CMIP: variants seen among roughly 807,000 people sequenced by gnomAD.
CMIP encodes c-Maf inducing protein.
Under a neutral mutation model 97.3 loss-of-function variants are expected in CMIP, and 13 were observed. That is an observed-to-expected ratio of 0.13 (90% CI 0.09 to 0.21). The LOEUF (loss-of-function observed/expected upper bound fraction) is 0.21. CMIP is among the 10% of genes least tolerant of loss of function. The pLI is 1.00. For synonymous variants in CMIP, 538 were observed against 436.3 expected (o/e 1.23, Z -2.91); for missense variants, 847 against 1,024.9 (o/e 0.83, Z 2.37).
chr16:81,656,825 T>C (rs1317857863), intron 4 of CMIP, among the ~76,000 whole-genome samples: 1 of 152,090 alleles, frequency 6.6e-6, no homozygotes, highest in East Asian at 1.9e-4. Context: ...TTTCACCATG[T>C]TGGCCAGGCT....
intron 14 of CMIP, chr16:81,697,702 C>T (rs1257769007): frequency 6.6e-6 from 1 of 152,282 alleles, no homozygotes; most frequent in Non-Finnish European, 1.5e-5. Context: ...ATTCTCCTCT[C>T]TGCTGGGTGG....
At chr16:81,633,336 T>G (rs1053542671) in intron 3 of CMIP, among the ~76,000 whole-genome samples, 3 of 152,016 alleles carry the variant, frequency 2.0e-5, no homozygotes, top group Non-Finnish European at 2.9e-5. Flanking sequence ...AAGAGGGAGG[T>G]GGCCTGCCAT....
intron 1 of CMIP, among the ~76,000 whole-genome samples, chr16:81,466,374 A>T (rs894064262): frequency 2.0e-5 from 3 of 152,160 alleles, no homozygotes; most frequent in Non-Finnish European, 4.4e-5. Context: ...TTCCCTTTTT[A>T]AAAAAATTAC....
intron 10 of CMIP, 51 bp from the exon 11 acceptor site, chr16:81,691,724 T>G: frequency 1.3e-6 from 2 of 1,544,864 alleles, no homozygotes; most frequent in Admixed American, 1.7e-5. Context: ...AACAGTGCCA[T>G]AAACCTTCCT....
intron 1 of CMIP, among the ~76,000 whole-genome samples, chr16:81,540,933 G>T (rs571915250): frequency 1.3e-5 from 2 of 150,808 alleles, no homozygotes; most frequent in Admixed American, 6.6e-5. Context: ...ACCCACGTCT[G>T]CTTCCCAAAG....
At chr16:81,532,628 G>A (rs1035628617) in intron 1 of CMIP, among the ~76,000 whole-genome samples, 4 of 152,134 alleles carry the variant, frequency 2.6e-5, no homozygotes, top group South Asian at 2.1e-4. Flanking sequence ...AGCGGGAGGC[G>A]AAGCCAGGAG....
chr16:81,574,612 A>G (rs1439671598), intron 1 of CMIP, among the ~76,000 whole-genome samples: 2 of 152,262 alleles, frequency 1.3e-5, no homozygotes, highest in East Asian at 3.8e-4. Context: ...ATTCTGTAAG[A>G]AAGAGCCTTC....
Position 81,567,771 on chromosome 16 carries a change from G to A in CMIP, c.301-39796G>A, listed in dbSNP as rs980937599. ...TTCTAAAGGGCATTTGCCTTATTTCGTCCCCGCTTCTTGTCACCTCCCCGA... is the reference window on the plus strand; with the variant it reads ...TTCTAAAGGGCATTTGCCTTATTTCATCCCCGCTTCTTGTCACCTCCCCGA... On this transcript the variant is annotated intron_variant, in intron 1 of 20. Transcript: ENST00000537098. 2.6e-5 allele frequency among the ~76,000 whole-genome samples: 4 copies of A among 152,124 alleles called. No homozygotes were observed. In the East Asian group the frequency reaches 5.8e-4, roughly 22 times the overall value.
chr16:81,477,549 T>C (rs966466095), intron 1 of CMIP, among the ~76,000 whole-genome samples: 1 of 152,262 alleles, frequency 6.6e-6, no homozygotes, highest in South Asian at 2.1e-4. Flanking sequence ...CTGCCCTCCC[T>C]GTGTGAAGGC....
chr16:81,683,195 G>A (rs1364912167), intron 10 of CMIP, among the ~76,000 whole-genome samples: 3 of 152,230 alleles, frequency 2.0e-5, no homozygotes, highest in African/African-American at 7.2e-5. Flanking sequence ...AGCGCTCAGT[G>A]CGGCTGCTGT....
At chr16:81,487,198 C>G (rs1374998237) in intron 1 of CMIP, among the ~76,000 whole-genome samples, 1 of 152,164 alleles carries the variant, frequency 6.6e-6, no homozygotes, top group African/African-American at 2.4e-5. Context: ...TTTGGGGTGC[C>G]CCCTCCCCAC....
intron 3 of CMIP, among the ~76,000 whole-genome samples, chr16:81,647,710 C>T (rs1266785151): frequency 6.6e-6 from 1 of 152,136 alleles, no homozygotes; most frequent in Non-Finnish European, 1.5e-5. Flanking sequence ...ATCCCAGCTC[C>T]ACCATGATTC....
intron 3 of CMIP, among the ~76,000 whole-genome samples, chr16:81,650,946 C>T (rs981699299): frequency 6.6e-6 from 1 of 152,104 alleles, no homozygotes; most frequent in African/African-American, 2.4e-5. Context: ...GGAATGTGTC[C>T]CTCAGATACT....
chr16:81,634,676 CT>C (rs1327658813), intron 3 of CMIP, among the ~76,000 whole-genome samples: 1 of 152,134 alleles, frequency 6.6e-6, no homozygotes, highest in East Asian at 1.9e-4. Flanking sequence ...CATTACCTGG[CT>C]TGAAACTCAC....
chr16:81,552,966 T>A (rs1360407878), intron 1 of CMIP, among the ~76,000 whole-genome samples: 1 of 152,160 alleles, frequency 6.6e-6, no homozygotes, highest in Non-Finnish European at 1.5e-5. Flanking sequence ...GCAGGGGGTT[T>A]GGGAGTCCCC....
intron 1 of CMIP, among the ~76,000 whole-genome samples, chr16:81,506,166 C>T (rs538124838): frequency 2.1e-4 from 32 of 152,284 alleles, no homozygotes; most frequent in African/African-American, 6.3e-4. Context: ...AACCAAGGCT[C>T]GGAGAGGTTA....
intron 10 of CMIP, among the ~76,000 whole-genome samples, chr16:81,680,872 C>A (rs1035544251): frequency 6.6e-6 from 1 of 152,244 alleles, no homozygotes; most frequent in African/African-American, 2.4e-5. Context: ...CCTGGGCCTT[C>A]TGGTATTTGG....
At chr16:81,481,269 C>A (rs1908245160) in intron 1 of CMIP, among the ~76,000 whole-genome samples, 1 of 152,198 alleles carries the variant, frequency 6.6e-6, no homozygotes, top group African/African-American at 2.4e-5. Flanking sequence ...ATTGTTGTGT[C>A]ACCCTCATCT....
intron 1 of CMIP, among the ~76,000 whole-genome samples, chr16:81,567,258 C>A (rs1298468651): frequency 6.6e-6 from 1 of 152,280 alleles, no homozygotes; most frequent in African/African-American, 2.4e-5. Context: ...GCTCTCAGGG[C>A]AGCTGCAGAC....
Sources: allele counts gnomAD v4.1 joint callset (sites outside exome capture counted in the v4.1 genomes callset), GRCh38; gene constraint gnomAD v4.1.1; transcripts MANE v1.5; gene names NCBI Gene and HGNC (gene_info 2026-07-23, HGNC 2026-07-21).